Variants in STAG1 observed in about 807,000 individuals in gnomAD.
The protein encoded by STAG1 is STAG1 cohesin complex component.
In STAG1, 26 loss-of-function variants were observed where a neutral mutation model predicts 170.9. The ratio of observed to expected loss-of-function variants is 0.15; its 90% CI spans 0.11 to 0.21. The LOEUF (loss-of-function observed/expected upper bound fraction) is 0.21. STAG1 is among the 10% of genes least tolerant of loss of function. STAG1 has a pLI of 1.00. For missense variants in STAG1, 964 were observed against 1,509.5 expected (o/e 0.64, Z 5.99); for synonymous variants, 514 against 497.7 (o/e 1.03, Z -0.44).
At chr3:136,382,648 TG>T (rs1365163313) in intron 22 of STAG1, among the ~76,000 whole-genome samples, 5 of 152,000 alleles carry the variant, frequency 3.3e-5, no homozygotes, top group African/African-American at 1.2e-4. Flanking sequence ...TGACCTTAGG[TG>T]ATCTACCCGT....
At chr3:136,414,211 G>T (rs2087708480) in intron 21 of STAG1, among the ~76,000 whole-genome samples, 1 of 128,264 alleles carries the variant, frequency 7.8e-6, no homozygotes, top group African/African-American at 2.5e-5. Context: ...TTTCATAAAA[G>T]ATTTCTCTGT....
At chr3:136,450,966 C>G (rs892761232) in intron 14 of STAG1, among the ~76,000 whole-genome samples, 1 of 152,018 alleles carries the variant, frequency 6.6e-6, no homozygotes. Context: ...CCAGGCTGGT[C>G]TTAAACTCCT....
intron 1 of STAG1, among the ~76,000 whole-genome samples, chr3:136,705,911 G>A (rs1559962569): frequency 1.3e-5 from 2 of 151,624 alleles, no homozygotes; most frequent in Non-Finnish European, 1.5e-5. Flanking sequence ...AGAGGCCAAG[G>A]TGGGAGGATC....
At chr3:136,729,151 G>C (rs1933858150) in intron 1 of STAG1, among the ~76,000 whole-genome samples, 1 of 151,876 alleles carries the variant, frequency 6.6e-6, no homozygotes, top group African/African-American at 2.4e-5. Flanking sequence ...TAGCTAATTT[G>C]CGTGTGTGTG....
In STAG1 at chr3:136,630,878, T is replaced by G. The variant is rs765592056; in HGVS notation, c.21A>C (p.Pro7=). 7 of 1,560,230 alleles carry G rather than the reference T, an allele frequency of 4.5e-6. No individual in the cohort carries two copies. The highest frequency in any genetic ancestry group is 6.1e-6 in the Non-Finnish European group (7 of 1,150,400). ...AAAATTACAATACTTACTGTAACACTGGTAATTCTGAAGTAATCATTGCTG... is the reference window on the plus strand; with the variant it reads ...AAAATTACAATACTTACTGTAACACGGGTAATTCTGAAGTAATCATTGCTG... MITSEL[P]VLQDSTNETT... is the part of the protein sequence containing the mutation. The change falls in exon 2 of 34, where the codon CCA becomes CCC. Residue 7 remains proline, a synonymous_variant. Coordinates refer to ENST00000383202, the MANE Select transcript of STAG1 (RefSeq NM_005862.3).
intron 5 of STAG1, among the ~76,000 whole-genome samples, chr3:136,551,782 A>C (rs1374383513): frequency 6.6e-6 from 1 of 151,920 alleles, no homozygotes; most frequent in Non-Finnish European, 1.5e-5. Context: ...TTTTGTAGAG[A>C]CAGGGTCTTA....
chr3:136,541,991 C>A, intron 6 of STAG1, 128 bp downstream of exon 6: 2 of 696,286 alleles, frequency 2.9e-6, no homozygotes, highest in South Asian at 3.4e-5. Context: ...CACAGATTAT[C>A]ATATATAATT....
At chr3:136,487,175 T>C (rs2090034925) in intron 9 of STAG1, among the ~76,000 whole-genome samples, 2 of 152,074 alleles carry the variant, frequency 1.3e-5, no homozygotes, top group Non-Finnish European at 2.9e-5. Context: ...TTCCCCTCTG[T>C]GTGTCCATGT....
rs1287519286 is a variant in STAG1 at position 136,337,330 on chromosome 3, T to C, written c.*924A>G. On this transcript the variant is annotated 3_prime_UTR_variant, in exon 34 of 34. Transcript: ENST00000383202. ...TGATTATCTTAAGAAAATGGAAGTC[T>C]GTGTAACTTGAATTTGGCAGGGCAT... 3 of 152,646 alleles carry C rather than the reference T, an allele frequency of 2.0e-5. No homozygotes were observed. The highest frequency in any genetic ancestry group is 7.2e-5 in the African/African-American group (3 of 41,440). 9.5% of individuals were successfully genotyped at this position (152,646 alleles called of 1,614,324 possible).
At chr3:136,538,953 T>G (rs542724539) in intron 6 of STAG1, among the ~76,000 whole-genome samples, 204 of 152,046 alleles carry the variant, frequency 1.3e-3, no homozygotes, top group Non-Finnish European at 2.5e-3. Context: ...GCTGACACGG[T>G]GAAACCCCGT....
At chr3:136,421,936 A>C (rs982375039) in intron 19 of STAG1, among the ~76,000 whole-genome samples, 3 of 152,096 alleles carry the variant, frequency 2.0e-5, no homozygotes, top group Admixed American at 2.0e-4. Flanking sequence ...GGATCACTTG[A>C]GATCAGGAGT....
chr3:136,642,312 C>A (rs1273891980), intron 1 of STAG1, among the ~76,000 whole-genome samples: 1 of 136,286 alleles, frequency 7.3e-6, no homozygotes, highest in Non-Finnish European at 1.5e-5. Flanking sequence ...TGCTCTGTCA[C>A]CCAGACTGGA....
chr3:136,545,496 T>C (rs1215158084), intron 5 of STAG1, among the ~76,000 whole-genome samples: 1 of 152,192 alleles, frequency 6.6e-6, no homozygotes, highest in Admixed American at 6.5e-5. Context: ...TTGAGTCTAC[T>C]AAAACTGAGA....
At chr3:136,638,831 G>A (rs990642236) in intron 1 of STAG1, among the ~76,000 whole-genome samples, 2 of 152,134 alleles carry the variant, frequency 1.3e-5, no homozygotes, top group Non-Finnish European at 2.9e-5. Context: ...GAACCCAGGA[G>A]GCGGAGGCTG....
intron 4 of STAG1, among the ~76,000 whole-genome samples, chr3:136,601,552 T>C (rs901762330): frequency 6.6e-6 from 1 of 152,140 alleles, no homozygotes; most frequent in Non-Finnish European, 1.5e-5. Flanking sequence ...TGGTGGCTCA[T>C]GCCTGTAATC....
intron 6 of STAG1, among the ~76,000 whole-genome samples, chr3:136,540,839 A>AAAAAAAAAAAAAAAAAAAAC (rs1935857688): frequency 6.7e-6 from 1 of 148,736 alleles, no homozygotes; most frequent in Non-Finnish European, 1.5e-5. Context: ...AAAAAAAAAA[A>AAAAAAAAAAAAAAAAAAAAC]AAAAAAAAAA....
rs566415074 is a variant in STAG1, at chr3:136,667,587, C to T, written c.-83-36606G>A. Among the ~76,000 whole-genome samples, 9 of 152,274 alleles carry T rather than the reference C, an allele frequency of 5.9e-5. No individual in the cohort carries two copies. The East Asian group carries it at 1.5e-3, about 26-fold the overall frequency. ...TCTTGGCTCACTGCAACCTCCGCCTCCCAAGCTCCAGTGATTCCCCTGCCG... is the reference window on the plus strand; with the variant it reads ...TCTTGGCTCACTGCAACCTCCGCCTTCCAAGCTCCAGTGATTCCCCTGCCG... On this transcript the variant is annotated intron_variant, in intron 1 of 33. Transcript: ENST00000383202.
chr3:136,353,460 T>G (rs1160506356), intron 28 of STAG1, among the ~76,000 whole-genome samples: 1 of 152,122 alleles, frequency 6.6e-6, no homozygotes, highest in Non-Finnish European at 1.5e-5. Context: ...ATGAAAGTAG[T>G]AAGAGAAAAG....
intron 4 of STAG1, among the ~76,000 whole-genome samples, chr3:136,587,977 CA>C (rs1394323856): frequency 6.6e-6 from 1 of 151,842 alleles, no homozygotes; most frequent in Admixed American, 6.6e-5. Context: ...AAAAACAAAA[CA>C]AAAAAATAGC....
Sources: allele counts gnomAD v4.1 joint callset (sites outside exome capture counted in the v4.1 genomes callset), GRCh38; gene constraint gnomAD v4.1.1; transcripts MANE v1.5; gene names NCBI Gene and HGNC (gene_info 2026-07-23, HGNC 2026-07-21).